Variants in GRK2 observed in about 807,000 individuals in gnomAD.
The protein encoded by GRK2 is adrenergic beta receptor kinase 1.
A neutral mutation model predicts 97.8 loss-of-function variants in GRK2; 23 were observed. The observed-to-expected ratio is 0.24, with a 90% CI of 0.17 to 0.33. GRK2 has a LOEUF of 0.33. Among genes scored for constraint, GRK2 ranks in the 10% least tolerant of loss-of-function variants. The pLI is 1.00. For synonymous variants in GRK2, 425 were observed against 381.7 expected (o/e 1.11, Z -1.32); for missense variants, 633 against 956.9 (o/e 0.66, Z 4.47).
In GRK2 at chr11:67,266,632, C is replaced by T. The variant is rs1425150943; in HGVS notation, c.-68C>T. 11 of 699,300 alleles carry T rather than the reference C, an allele frequency of 1.6e-5. No individual in the cohort carries two copies. Among genetic ancestry groups the T allele is most frequent in the Non-Finnish European group, 1.9e-5 (11 of 567,012 alleles). The allele number at this position is 699,300 out of a possible 1,614,324, so 43.3% of individuals were successfully genotyped here. ...CGAGCGAGCCGCGGCCGGGCCGGGC[C>T]GAGCGCCGAGCGAGCAGGAGCGGCG... On this transcript the variant is annotated 5_prime_UTR_variant, in exon 1 of 21. Transcript: ENST00000308595.
In GRK2 at chr11:67,280,729, C is replaced by T; in HGVS notation, c.504-3C>T. 1.2e-6 allele frequency: 2 copies of T among 1,614,064 alleles called. No homozygotes were observed. The highest frequency in any genetic ancestry group is 2.2e-5 in the South Asian group (2 of 91,090). On this transcript the variant is annotated splice_polypyrimidine_tract_variant and splice_region_variant and intron_variant, in intron 6 of 20. Coordinates refer to ENST00000308595, the MANE Select transcript of GRK2 (RefSeq NM_001619.5). ...CCCCTGAGCCCTGATTCTTCTTTTC[C>T]AGCGATAAGTTCACACGGTTTTGCC...
intron 1 of GRK2, among the ~76,000 whole-genome samples, chr11:67,274,380 C>T (rs1411222801): frequency 4.0e-5 from 6 of 151,880 alleles, no homozygotes; most frequent in Non-Finnish European, 5.9e-5. Flanking sequence ...TGCTGAAGCC[C>T]GGTGGCCCCC....
In GRK2 at chr11:67,285,325, G is replaced by A. The variant is rs1001981416; in HGVS notation, c.1945G>A (p.Asp649Asn). Reference sequence around the variant, plus strand: ...GGTGCAGTGGAAGAAGGAGCTGCGCGACGCCTACCGCGAGGCCCAGCAGCT... The same window carrying A: ...GGTGCAGTGGAAGAAGGAGCTGCGCAACGCCTACCGCGAGGCCCAGCAGCT... ...ELVQWKKELR[D>N]AYREAQQLVQ... The change falls in exon 21 of 21, where the codon GAC (aspartate) becomes AAC (asparagine). Residue 649 changes from aspartate to asparagine, a missense_variant. This residue lies in a region of GRK2 where 180 missense variants were observed against 311.3 expected (regional missense o/e 0.58). Transcript: ENST00000308595. The A allele has an allele frequency of 5.6e-6, 9 of 1,609,958 alleles. No homozygotes were observed. The highest frequency in any genetic ancestry group is 1.7e-5 in the Admixed American group (1 of 59,846).
intron 3 of GRK2, 36 bp from the exon 4 acceptor site, chr11:67,279,382 G>A: frequency 6.2e-7 from 1 of 1,611,240 alleles, no homozygotes; most frequent in East Asian, 2.2e-5. Flanking sequence ...ATTCCCTGCT[G>A]GGCTCTAGAT....
chr11:67,277,090 A>G (rs1860046834), intron 1 of GRK2, 182 bp from the exon 2 acceptor site: 2 of 533,496 alleles, frequency 3.7e-6, no homozygotes, highest in Non-Finnish European at 3.3e-6. Context: ...CGGTGCAGGC[A>G]AAGGCTTCCT....
chr11:67,266,510 C>G lies in GRK2; in HGVS notation c.-190C>G, dbSNP rs1859802704. 1 of 145,146 alleles carries G rather than the reference C, an allele frequency of 6.9e-6. No individual in the cohort carries two copies. Among genetic ancestry groups the G allele is most frequent in the African/African-American group, 2.5e-5 (1 of 40,342 alleles). 9.0% of individuals were successfully genotyped at this position (145,146 alleles called of 1,614,324 possible). On this transcript the variant is annotated 5_prime_UTR_variant, in exon 1 of 21. Coordinates refer to ENST00000308595, the MANE Select transcript of GRK2 (RefSeq NM_001619.5). ...AGCGGAGCGCGAGCCGGGGCCGGGC[C>G]CGAGCCGGCGCCATGGGGCGGCGCC...
intron 15 of GRK2, 172 bp from the exon 16 acceptor site, chr11:67,283,535 A>C: frequency 1.4e-6 from 1 of 697,318 alleles, no homozygotes; most frequent in Non-Finnish European, 2.4e-6. Context: ...ACCAGTGTTA[A>C]AACCCACAAC....
intron 1 of GRK2, among the ~76,000 whole-genome samples, chr11:67,273,315 C>T (rs886498900): frequency 2.0e-5 from 3 of 152,218 alleles, no homozygotes; most frequent in Admixed American, 6.5e-5. Context: ...GCTTGGTTCT[C>T]CTGATGCTCC....
Position 67,266,705 on chromosome 11 carries a change from G to C in GRK2, c.6G>C (p.Ala2=), listed in dbSNP as rs1203313622. 7.9e-7 allele frequency: 1 copy of C among 1,258,250 alleles called. No homozygotes were observed. The highest frequency in any genetic ancestry group is 1.0e-6 in the Non-Finnish European group (1 of 991,378). 77.9% of individuals were successfully genotyped at this position (1,258,250 alleles called of 1,614,324 possible). A position where few individuals can be genotyped will look rare whatever the true frequency, so the allele number is the denominator to read the frequency against. The change falls in exon 1 of 21, where the codon GCG becomes GCC. Residue 2 remains alanine (A), a synonymous_variant. Transcript: ENST00000308595. M[A]DLEAVLADVS... is the part of the protein sequence containing the mutation. ...GAGGCAGCGCCGCCGCCAAGATGGC[G>C]GACCTGGAGGCGGTGCTGGCCGACG...
Position 67,281,759 on chromosome 11 carries a change from G to A in GRK2, c.826+31G>A, listed in dbSNP as rs200171288. The A allele has an allele frequency of 1.2e-4, 191 of 1,613,460 alleles. No individual in the cohort carries two copies. The East Asian group carries it at 3.4e-3, about 29-fold the overall frequency. On this transcript the variant is annotated intron_variant, in intron 10 of 20. Coordinates refer to ENST00000308595, the MANE Select transcript of GRK2 (RefSeq NM_001619.5). The surrounding 1 kb of genome is among the most constrained non-coding windows in gnomAD (Gnocchi z 5.7). ...TGCTGGCCGGGCCCTAGGGTGGGCC[G>A]GGCCCAGGCACGGGAGGCTGGGGCA...
chr11:67,284,713 T>A, intron 18 of GRK2, 134 bp from the exon 19 acceptor site: 1 of 1,210,076 alleles, frequency 8.3e-7, no homozygotes, highest in Non-Finnish European at 1.1e-6. Context: ...CGTTTGAACC[T>A]GGGAGGTGGA....
In GRK2 at chr11:67,283,057, C is replaced by T; in HGVS notation, c.1228-71C>T. 9 of 1,492,408 alleles carry T rather than the reference C, an allele frequency of 6.0e-6. 1 individual carries two copies. The South Asian group carries it at 1.0e-4, about 17-fold the overall frequency. The allele number at this position is 1,492,408 out of a possible 1,614,324, so 92.4% of individuals were successfully genotyped here. A position where few individuals can be genotyped will look rare whatever the true frequency, so the allele number is the denominator to read the frequency against. ...TCCCTCTGCGGGGGCCTGGACCCCT[C>T]TCTCCCCTGAGCTGGGATGGGGTCA... On this transcript the variant is annotated intron_variant, in intron 14 of 20. Coordinates refer to ENST00000308595, the MANE Select transcript of GRK2 (RefSeq NM_001619.5).
Position 67,281,847 on chromosome 11 carries a change from C to T in GRK2, c.852C>T (p.Ser284=). The part of the protein sequence containing the change: ...MNGGDLHYHL[S]QHGVFSEADM... ...GTGGGGACCTGCACTACCACCTCTCCCAGCACGGGGTCTTCTCAGAGGCTG... is the reference window on the plus strand; with the variant it reads ...GTGGGGACCTGCACTACCACCTCTCTCAGCACGGGGTCTTCTCAGAGGCTG... The change falls in exon 11 of 21, where the codon TCC becomes TCT. Residue 284 remains serine, a synonymous_variant. Transcript: ENST00000308595. The surrounding 1 kb of genome is among the most constrained non-coding windows in gnomAD (Gnocchi z 5.7). 1 of 1,613,760 alleles carries T rather than the reference C, an allele frequency of 6.2e-7. No homozygotes were observed. Among genetic ancestry groups the T allele is most frequent in the Admixed American group, 1.7e-5 (1 of 60,030 alleles).
intron 1 of GRK2, among the ~76,000 whole-genome samples, chr11:67,271,497 TC>T (rs564464854): frequency 5.6e-4 from 85 of 152,330 alleles, no homozygotes; most frequent in African/African-American, 1.8e-3. Flanking sequence ...GGCATGGAAT[TC>T]TGGAAGTTTG....
chr11:67,273,795 T>C (rs1859962457), intron 1 of GRK2, among the ~76,000 whole-genome samples: 1 of 152,110 alleles, frequency 6.6e-6, no homozygotes, highest in African/African-American at 2.4e-5. Context: ...AGAGATGGCC[T>C]CAGAGCCCCG....
chr11:67,283,049 G>A, intron 14 of GRK2, 79 bp from the exon 15 acceptor site: 1 of 1,431,604 alleles, frequency 7.0e-7, no homozygotes, highest in South Asian at 1.1e-5. Context: ...GCGGGGGCCT[G>A]GACCCCTCTC....
Position 67,282,117 on chromosome 11 carries a change from G to C in GRK2, c.958-154G>C. 8.1e-7 allele frequency: 1 copy of C among 1,233,734 alleles called. No individual in the cohort carries two copies. Among genetic ancestry groups the C allele is most frequent in the East Asian group, 2.4e-5 (1 of 42,404 alleles). The allele number at this position is 1,233,734 out of a possible 1,614,324, so 76.4% of individuals were successfully genotyped here. ...CCCACCGAGCCACTCTCTGGGTCCA[G>C]GTTGTAGCTGGGGACAGGAGAGAGG... On this transcript the variant is annotated intron_variant, in intron 11 of 20. Transcript: ENST00000308595. This position sits in a 1 kb window ranked among gnomAD's most constrained non-coding sequence, Gnocchi z 6.9.
chr11:67,274,658 C>G (rs909645133), intron 1 of GRK2, among the ~76,000 whole-genome samples: 2 of 151,774 alleles, frequency 1.3e-5, no homozygotes, highest in African/African-American at 4.8e-5. Context: ...TCGCCCAGGG[C>G]CCAGGCCTCC....
chr11:67,281,356 C>A lies in GRK2; in HGVS notation c.648-103C>A. ...AGCCCTCCCTGTCTCTGATTTGTGT[C>A]ACACGCTGGTCCTGGGTCTAGTCTT... is the stretch of plus-strand genomic sequence containing the variant. On this transcript the variant is annotated intron_variant, in intron 8 of 20. Coordinates refer to ENST00000308595, the MANE Select transcript of GRK2 (RefSeq NM_001619.5). This position sits in a 1 kb window ranked among gnomAD's most constrained non-coding sequence, Gnocchi z 5.7. 2 of 1,198,080 alleles carry A rather than the reference C, an allele frequency of 1.7e-6. No individual in the cohort carries two copies. Among genetic ancestry groups the A allele is most frequent in the Non-Finnish European group, 1.2e-6 (1 of 825,010 alleles). The allele number at this position is 1,198,080 out of a possible 1,614,324, so 74.2% of individuals were successfully genotyped here.
Sources: allele counts gnomAD v4.1 joint callset (sites outside exome capture counted in the v4.1 genomes callset), GRCh38; gene constraint gnomAD v4.1.1; regional missense constraint gnomAD v4.1.1; non-coding constraint Gnocchi (gnomAD v3.1); transcripts MANE v1.5; gene names NCBI Gene and HGNC (gene_info 2026-07-23, HGNC 2026-07-21).